HDAC9: variants seen among roughly 807,000 people sequenced by gnomAD.
HDAC9 encodes histone deacetylase 9, also known as MEF-2 interacting transcription repressor (MITR) protein.
Under a neutral mutation model 139.4 loss-of-function variants are expected in HDAC9, and 41 were observed. The ratio of observed to expected loss-of-function variants is 0.29; its 90% CI spans 0.23 to 0.38. The LOEUF (loss-of-function observed/expected upper bound fraction) is 0.38. HDAC9 is among the 10% of genes least tolerant of loss of function. HDAC9 has a pLI of 1.00. For missense variants in HDAC9, 1,147 were observed against 1,297.0 expected (o/e 0.88, Z 1.78); for synonymous variants, 517 against 476.2 (o/e 1.09, Z -1.12).
chr7:18,557,529 T>G (rs775859834), intron 2 of HDAC9, among the ~76,000 whole-genome samples: 3 of 150,870 alleles, frequency 2.0e-5, no homozygotes, highest in Non-Finnish European at 4.4e-5. Context: ...AAAGATAGAC[T>G]TTATGGAGAA....
At chr7:18,371,738 T>C (rs1220202699) in intron 1 of HDAC9, among the ~76,000 whole-genome samples, 1 of 152,210 alleles carries the variant, frequency 6.6e-6, no homozygotes, top group Non-Finnish European at 1.5e-5. Context: ...AAGGTTTTTT[T>C]CCTTCATAGT....
intron 21 of HDAC9, chr7:18,851,571 G>A (rs1241701303): frequency 1.3e-5 from 2 of 152,148 alleles, no homozygotes; most frequent in East Asian, 1.9e-4. Context: ...GACTGATACA[G>A]GTGCTCTACG....
intron 1 of HDAC9, among the ~76,000 whole-genome samples, chr7:18,343,407 A>G (rs1782162672): frequency 1.3e-5 from 2 of 151,902 alleles, no homozygotes; most frequent in African/African-American, 4.8e-5. Flanking sequence ...CAGTTATAAC[A>G]TATTTGACAG....
intron 1 of HDAC9, among the ~76,000 whole-genome samples, chr7:18,339,338 C>T (rs1006520007): frequency 6.6e-6 from 1 of 151,210 alleles, no homozygotes; most frequent in Non-Finnish European, 1.5e-5. Flanking sequence ...TTTCTAGTTT[C>T]GTAAAGTGGA....
At chr7:18,373,692 T>C (rs1784762238) in intron 1 of HDAC9, among the ~76,000 whole-genome samples, 1 of 152,136 alleles carries the variant, frequency 6.6e-6, no homozygotes, top group South Asian at 2.1e-4. Context: ...TAAAGAAGCT[T>C]TGAAGGAAAC....
At chr7:18,184,291 T>C (rs1192223748) in intron 2 of HDAC9, among the ~76,000 whole-genome samples, 1 of 152,088 alleles carries the variant, frequency 6.6e-6, no homozygotes, top group Non-Finnish European at 1.5e-5. Context: ...CCAGCTCTAC[T>C]TGGGAGGCTG....
chr7:18,578,364 C>A (rs536964332), intron 2 of HDAC9, among the ~76,000 whole-genome samples: 1 of 152,200 alleles, frequency 6.6e-6, no homozygotes, highest in Non-Finnish European at 1.5e-5. Flanking sequence ...GATCAGCTTT[C>A]CCCAGGTGGA....
At chr7:18,664,954 A>G (rs1022843098) in intron 11 of HDAC9, among the ~76,000 whole-genome samples, 1 of 152,152 alleles carries the variant, frequency 6.6e-6, no homozygotes, top group Non-Finnish European at 1.5e-5. Flanking sequence ...GAACAAATGA[A>G]TGAAAATTCC....
chr7:18,927,000 G>T (rs569990893), intron 22 of HDAC9, among the ~76,000 whole-genome samples: 1 of 152,176 alleles, frequency 6.6e-6, no homozygotes, highest in Non-Finnish European at 1.5e-5. Context: ...TCCGGATTCA[G>T]TGAACTTGGA....
At chr7:18,137,032 T>G (rs1181817841) in intron 1 of HDAC9, among the ~76,000 whole-genome samples, 2 of 142,242 alleles carry the variant, frequency 1.4e-5, no homozygotes, top group African/African-American at 2.7e-5. Context: ...CCCTTGTAAG[T>G]TGGATTCCTA....
At chr7:18,600,133 C>T (rs1482729637) in intron 6 of HDAC9, among the ~76,000 whole-genome samples, 3 of 151,906 alleles carry the variant, frequency 2.0e-5, no homozygotes, top group Admixed American at 2.0e-4. Context: ...AGATATTTTA[C>T]ATTTTTTAAA....
chr7:18,903,472 A>G (rs1189377253), intron 22 of HDAC9, among the ~76,000 whole-genome samples: 2 of 152,198 alleles, frequency 1.3e-5, no homozygotes, highest in Non-Finnish European at 2.9e-5. Context: ...TCTTTCAAAT[A>G]GACATCCAGT....
At chr7:18,543,721 T>C (rs891460356) in intron 2 of HDAC9, 3 of 152,036 alleles carry the variant, frequency 2.0e-5, no homozygotes, top group Admixed American at 2.0e-4. Context: ...ATGGAGGAGA[T>C]GGAATATATT....
chr7:18,626,164 T>C (rs1413261658), intron 6 of HDAC9, among the ~76,000 whole-genome samples: 2 of 151,154 alleles, frequency 1.3e-5, no homozygotes, highest in African/African-American at 2.4e-5. Context: ...GGGGAGGAAA[T>C]TTTTCCTGGA....
Position 18,242,493 on chromosome 7 carries a change from A to AAT in HDAC9, c.25+80147_25+80148dup, listed in dbSNP as rs555275464. Among the ~76,000 whole-genome samples, 771 of 152,268 alleles carry AAT rather than the reference A, an allele frequency of 5.1e-3. 3 individuals are homozygous for AAT. The highest frequency in any genetic ancestry group is 0.048 in the Middle Eastern group (14 of 294). On this transcript the variant is annotated intron_variant, in intron 2 of 12. Coordinates refer to the HDAC9 transcript ENST00000417496. Reference sequence around the variant, plus strand: ...TGATAATGTAACATCATCCATCTGTAATATTTTCTCAGTCAATTTTTCTGG... The same window carrying AAT: ...TGATAATGTAACATCATCCATCTGTAATATATTTTCTCAGTCAATTTTTCTGG...
intron 2 of HDAC9, among the ~76,000 whole-genome samples, chr7:18,230,884 G>A (rs1442383743): frequency 1.3e-5 from 2 of 152,134 alleles, no homozygotes; most frequent in Non-Finnish European, 2.9e-5. Flanking sequence ...ATAACTACAG[G>A]CAGAAATAAT....
intron 2 of HDAC9, among the ~76,000 whole-genome samples, chr7:18,523,545 C>A (rs1253592110): frequency 3.3e-5 from 5 of 152,002 alleles, no homozygotes; most frequent in Admixed American, 6.6e-5. Flanking sequence ...TATCTTCGTG[C>A]CAAAATAGAT....
At chr7:18,366,853 T>G (rs1784220066) in intron 1 of HDAC9, among the ~76,000 whole-genome samples, 2 of 151,976 alleles carry the variant, frequency 1.3e-5, no homozygotes, top group Admixed American at 6.6e-5. Flanking sequence ...TTTAGTTAGA[T>G]TGTCACATCT....
chr7:18,119,942 G>A (rs1268998247), intron 1 of HDAC9, among the ~76,000 whole-genome samples: 2 of 152,202 alleles, frequency 1.3e-5, no homozygotes, highest in Non-Finnish European at 2.9e-5. Context: ...TGTTTGCCAT[G>A]ATCTTGTCAT....
Sources: gnomAD v4.1 joint callset for allele counts (sites outside exome capture counted in the v4.1 genomes callset) on GRCh38, gnomAD v4.1.1 for gene constraint, MANE v1.5 for transcripts, NCBI Gene and HGNC (gene_info 2026-07-23, HGNC 2026-07-21) for gene names.